The following CCDC73 variants were observed in gnomAD, a reference collection of about 807,000 sequenced individuals.
The protein encoded by CCDC73 is coiled-coil domain-containing protein 73.
A neutral mutation model predicts 116.5 loss-of-function variants in CCDC73; 95 were observed. The observed-to-expected ratio is 0.82, with a 90% CI of 0.69 to 0.97. The LOEUF is 0.97. Among genes scored for constraint, CCDC73 ranks in the 50% least tolerant of loss-of-function variants. The pLI, the probability that CCDC73 is intolerant of heterozygous loss-of-function variation, is 0.00. For synonymous variants in CCDC73, 398 were observed against 401.3 expected (o/e 0.99, Z 0.10); for missense variants, 1,066 against 1,206.8 (o/e 0.88, Z 1.73).
At chr11:32,761,926 A>C (rs1307308105) in intron 1 of CCDC73, among the ~76,000 whole-genome samples, 1 of 152,188 alleles carries the variant, frequency 6.6e-6, no homozygotes, top group Non-Finnish European at 1.5e-5. Flanking sequence ...CAAAATTCCC[A>C]CTTCCTTGGA....
chr11:32,800,250 G>A, the CCDC73 span, among the ~76,000 whole-genome samples: 2 of 151,814 alleles, frequency 1.3e-5, no homozygotes, highest in African/African-American at 4.8e-5. Context: ...ATACACCATG[G>A]GAGAGGTTTT....
At chr11:32,662,264 T>A (rs1271793475) in intron 9 of CCDC73, among the ~76,000 whole-genome samples, 2 of 152,210 alleles carry the variant, frequency 1.3e-5, no homozygotes, top group East Asian at 1.9e-4. Context: ...CGCCACACTG[T>A]CTTCCACAAT....
chr11:32,823,673 A>G, the CCDC73 span, among the ~76,000 whole-genome samples: 1 of 152,122 alleles, frequency 6.6e-6, no homozygotes, highest in South Asian at 2.1e-4. Context: ...TTCTGTAATA[A>G]TATCACCTGA....
At position 32,635,847 on chromosome 11, in the gene CCDC73, A is replaced by G. The variant is rs1304507725; in HGVS notation, c.1051-17T>C. ...TTCTTCAGCCTATTATAAAAAAGGA[A>G]CCAGAATAAACAAGTATATCAAGTA... is the stretch of plus-strand genomic sequence containing the variant. On this transcript the variant is annotated splice_polypyrimidine_tract_variant and intron_variant, in intron 13 of 17. Transcript: ENST00000335185. 3.6e-6 allele frequency: 4 copies of G among 1,098,890 alleles called. No homozygotes were observed. The highest frequency in any genetic ancestry group is 3.5e-6 in the Non-Finnish European group (3 of 852,734). 68.1% of individuals were successfully genotyped at this position (1,098,890 alleles called of 1,614,324 possible). A position where few individuals can be genotyped will look rare whatever the true frequency, so the allele number is the denominator to read the frequency against.
At chr11:32,714,529 T>C (rs1388037062) in intron 3 of CCDC73, among the ~76,000 whole-genome samples, 2 of 152,152 alleles carry the variant, frequency 1.3e-5, no homozygotes, top group African/African-American at 2.4e-5. Flanking sequence ...TGAAACCATG[T>C]TGGAAATAAT....
At chr11:32,607,623 T>TA (rs1265388932) in intron 17 of CCDC73, among the ~76,000 whole-genome samples, 1 of 148,918 alleles carries the variant, frequency 6.7e-6, no homozygotes, top group African/African-American at 2.5e-5. Flanking sequence ...TTCTATGACT[T>TA]ACCCAATTGG....
At position 32,614,183 on chromosome 11, in the gene CCDC73, T is replaced by C. The variant is rs1255319770; in HGVS notation, c.2135A>G (p.Tyr712Cys). Residue 712 changes from tyrosine to cysteine, a missense_variant, in exon 16 of 18, where the codon TAT (tyrosine) becomes TGT (cysteine). By Grantham distance (194) the Tyr-to-Cys change is radical. Transcript: ENST00000335185. ...CDIVIDHHVS[Y>C]AAFSANSKLL... Reference sequence around the variant, plus strand: ...TTTTGAATTAGCACTAAAAGCAGCATATGAAACATGGTGGTCGATTACTAT... The same window carrying C: ...TTTTGAATTAGCACTAAAAGCAGCACATGAAACATGGTGGTCGATTACTAT... 1.2e-6 allele frequency: 2 copies of C among 1,613,836 alleles called. No homozygotes were observed. Among genetic ancestry groups the C allele is most frequent in the African/African-American group, 1.3e-5 (1 of 74,936 alleles).
chr11:32,713,472 C>A (rs1849919242), intron 3 of CCDC73, among the ~76,000 whole-genome samples: 1 of 151,976 alleles, frequency 6.6e-6, no homozygotes, highest in African/African-American at 2.4e-5. Context: ...TATCATAAAG[C>A]CACACTGAAA....
chr11:32,685,511 T>G (rs1197341215), intron 6 of CCDC73, among the ~76,000 whole-genome samples: 1 of 151,912 alleles, frequency 6.6e-6, no homozygotes, highest in East Asian at 1.9e-4. Context: ...TAAGGCCTAG[T>G]GTGTTTAAAG....
chr11:32,779,537 A>G (rs1350668106), intron 1 of CCDC73, among the ~76,000 whole-genome samples: 1 of 152,226 alleles, frequency 6.6e-6, no homozygotes, highest in Non-Finnish European at 1.5e-5. Flanking sequence ...CATAATGCCA[A>G]AAGGCTATAG....
At chr11:32,693,076 T>C (rs1237388269) in intron 6 of CCDC73, among the ~76,000 whole-genome samples, 1 of 152,218 alleles carries the variant, frequency 6.6e-6, no homozygotes, top group Non-Finnish European at 1.5e-5. Context: ...CTTTTTGGAA[T>C]ATGGTTTTTG....
intron 6 of CCDC73, among the ~76,000 whole-genome samples, chr11:32,698,149 C>A (rs370567692): frequency 6.6e-6 from 1 of 151,494 alleles, no homozygotes; most frequent in African/African-American, 2.4e-5. Context: ...CTCAGCCTCC[C>A]GAGTAGCTGG....
chr11:32,673,501 G>A (rs942872932), intron 9 of CCDC73, among the ~76,000 whole-genome samples: 16 of 152,056 alleles, frequency 1.1e-4, no homozygotes, highest in African/African-American at 1.9e-4. Flanking sequence ...ATCCTTTAGC[G>A]TCAAGATGAC....
intron 2 of CCDC73, among the ~76,000 whole-genome samples, chr11:32,722,194 A>C (rs1245286610): frequency 1.3e-5 from 2 of 152,158 alleles, no homozygotes; most frequent in Non-Finnish European, 2.9e-5. Flanking sequence ...GATTTTCATC[A>C]TGCTTTCCAC....
intron 6 of CCDC73, among the ~76,000 whole-genome samples, chr11:32,695,505 T>G (rs775043039): frequency 6.6e-6 from 1 of 152,132 alleles, no homozygotes; most frequent in African/African-American, 2.4e-5. Context: ...GTGGAGTGAG[T>G]TGAATGTGTT....
At chr11:32,610,191 T>C (rs1001075341) in intron 17 of CCDC73, among the ~76,000 whole-genome samples, 2 of 152,124 alleles carry the variant, frequency 1.3e-5, no homozygotes, top group Non-Finnish European at 2.9e-5. Context: ...TTATTCACTG[T>C]CATGAGAATA....
intron 6 of CCDC73, among the ~76,000 whole-genome samples, chr11:32,688,578 T>C (rs1288617566): frequency 1.3e-5 from 2 of 152,198 alleles, no homozygotes; most frequent in African/African-American, 4.8e-5. Flanking sequence ...CTGATTTTGA[T>C]TGCTGTGTTA....
the CCDC73 span, among the ~76,000 whole-genome samples, chr11:32,828,373 G>A: frequency 6.6e-6 from 1 of 152,040 alleles, no homozygotes. Context: ...AGCCGGGCGT[G>A]GTGGTGGATG....
intron 1 of CCDC73, among the ~76,000 whole-genome samples, chr11:32,768,217 C>T (rs1850460457): frequency 6.6e-6 from 1 of 152,130 alleles, no homozygotes; most frequent in African/African-American, 2.4e-5. Flanking sequence ...CAAACTATCA[C>T]AAGGACAGAA....
Sources: allele counts gnomAD v4.1 joint callset (sites outside exome capture counted in the v4.1 genomes callset), GRCh38; gene constraint gnomAD v4.1.1; transcripts MANE v1.5; gene names NCBI Gene and HGNC (gene_info 2026-07-23, HGNC 2026-07-21).